WWOX: variants seen among roughly 807,000 people sequenced by gnomAD.
The protein encoded by WWOX is WW domain-containing oxidoreductase.
In WWOX, 69 loss-of-function variants were observed where a neutral mutation model predicts 46.2. The ratio of observed to expected loss-of-function variants is 1.49; its 90% CI spans 1.23 to 1.82. The LOEUF (loss-of-function observed/expected upper bound fraction) is 1.82. Among genes scored for constraint, WWOX ranks in the 40% most tolerant of loss-of-function variants. WWOX has a pLI of 0.00. For missense variants in WWOX, 919 were observed against 542.6 expected (o/e 1.69, Z -6.89); for synonymous variants, 359 against 202.6 (o/e 1.77, Z -6.56).
chr16:79,120,200 C>T (rs539790178), intron 8 of WWOX, among the ~76,000 whole-genome samples: 20 of 152,288 alleles, frequency 1.3e-4, no homozygotes, highest in African/African-American at 4.6e-4. Flanking sequence ...CTCAGTTGTT[C>T]CTCATAGACA....
At chr16:78,620,988 A>C (rs910141974) in intron 8 of WWOX, among the ~76,000 whole-genome samples, 11 of 152,114 alleles carry the variant, frequency 7.2e-5, no homozygotes, top group African/African-American at 2.4e-4. Flanking sequence ...CTACATTGCA[A>C]TTTCAAAATA....
intron 8 of WWOX, among the ~76,000 whole-genome samples, chr16:78,511,860 C>G (rs948964385): frequency 1.3e-5 from 2 of 152,166 alleles, no homozygotes; most frequent in Non-Finnish European, 2.9e-5. Context: ...ATGTCTTGAT[C>G]TGAATATTAA....
chr16:78,432,693 C>T lies in WWOX; in HGVS notation c.997C>T (p.Arg333Cys), dbSNP rs369281766. The stretch of plus-strand genomic sequence containing the variant: ...AAATATGATGTACTCCAACATTCAT[C>T]GCAGCTGGTGGGTGTACACACTGCT... ...PGNMMYSNIHRSWWVYTLLFT... is the reference protein window; with the variant it reads ...PGNMMYSNIHCSWWVYTLLFT... Residue 333 changes from arginine to cysteine, a missense_variant, in exon 8 of 9, where the codon CGC (arginine) becomes TGC (cysteine). By Grantham distance (180) the Arg-to-Cys change is radical (BLOSUM62 -3). Coordinates refer to ENST00000566780, the MANE Select transcript of WWOX (RefSeq NM_016373.4). The T allele has an allele frequency of 3.8e-5, 62 of 1,614,078 alleles. No individual in the cohort carries two copies. Among genetic ancestry groups the T allele is most frequent in the African/African-American group, 5.3e-5 (4 of 74,928 alleles).
At chr16:78,338,546 C>T (rs143545405) in intron 5 of WWOX, among the ~76,000 whole-genome samples, 1 of 120,520 alleles carries the variant, frequency 8.3e-6, no homozygotes, top group Non-Finnish European at 2.0e-5. Context: ...CACAAGTAAC[C>T]AGAGAATTGT....
chr16:78,714,834 A>C (rs2048525471), intron 8 of WWOX, among the ~76,000 whole-genome samples: 1 of 152,214 alleles, frequency 6.6e-6, no homozygotes, highest in Admixed American at 6.5e-5. Flanking sequence ...TTCTAGCTGC[A>C]GTGAGGAACC....
chr16:78,790,767 C>A (rs1225399491), intron 8 of WWOX, among the ~76,000 whole-genome samples: 1 of 151,988 alleles, frequency 6.6e-6, no homozygotes, highest in Non-Finnish European at 1.5e-5. Flanking sequence ...TGCCTGTAAC[C>A]CTAGCACTTT....
chr16:78,418,885 A>G (rs537814925), intron 6 of WWOX, among the ~76,000 whole-genome samples: 93 of 152,264 alleles, frequency 6.1e-4, no homozygotes, highest in African/African-American at 2.1e-3. Flanking sequence ...ATCAAGAAAT[A>G]AGACAAGGAT....
At chr16:78,376,152 T>C (rs1319053812) in intron 5 of WWOX, among the ~76,000 whole-genome samples, 2 of 152,148 alleles carry the variant, frequency 1.3e-5, no homozygotes, top group Non-Finnish European at 2.9e-5. Flanking sequence ...GCCCAGCCGC[T>C]TCTCGTAGAT....
At chr16:78,498,288 C>T (rs113788897) in intron 8 of WWOX, among the ~76,000 whole-genome samples, 5 of 151,714 alleles carry the variant, frequency 3.3e-5, no homozygotes, top group African/African-American at 7.3e-5. Flanking sequence ...CTTCTTAAAG[C>T]GTATTTTGTG....
chr16:78,754,686 G>C (rs994640529), intron 8 of WWOX, among the ~76,000 whole-genome samples: 3 of 152,130 alleles, frequency 2.0e-5, no homozygotes, highest in Non-Finnish European at 4.4e-5. Flanking sequence ...TAAAGGCATG[G>C]CTTTGGTTAT....
intron 8 of WWOX, among the ~76,000 whole-genome samples, chr16:78,434,791 C>T (rs952453874): frequency 6.6e-6 from 1 of 152,046 alleles, no homozygotes; most frequent in Non-Finnish European, 1.5e-5. Context: ...ACCATCCTGC[C>T]ATTTGTTGTA....
chr16:79,069,160 C>G (rs530640676), intron 8 of WWOX, among the ~76,000 whole-genome samples: 2 of 152,224 alleles, frequency 1.3e-5, no homozygotes, highest in African/African-American at 4.8e-5. Flanking sequence ...CTGCGCTTGG[C>G]GAAGGTAAAT....
intron 8 of WWOX, among the ~76,000 whole-genome samples, chr16:78,549,470 T>A (rs367684174): frequency 6.6e-6 from 1 of 152,178 alleles, no homozygotes; most frequent in African/African-American, 2.4e-5. Context: ...TCAGTCATGA[T>A]ATGCGGTTCA....
In WWOX at chr16:78,983,812, C is replaced by G. The variant is rs114116673; in HGVS notation, c.1057-227796C>G. On this transcript the variant is annotated intron_variant, in intron 8 of 8. Coordinates refer to ENST00000566780, the MANE Select transcript of WWOX (RefSeq NM_016373.4). ...TATCTCCTACAGCAGGTGGAGTTAG[C>G]TTAACTAATGCAGAACGATAGGACT... Among the ~76,000 whole-genome samples the G allele has an allele frequency of 8.6e-3, 1,278 of 149,090 alleles. 19 individuals are homozygous for G. The highest frequency in any genetic ancestry group is 0.03 in the African/African-American group (1,206 of 40,634).
chr16:78,194,986 G>A (rs1485414295), intron 5 of WWOX, among the ~76,000 whole-genome samples: 1 of 152,184 alleles, frequency 6.6e-6, no homozygotes, highest in Non-Finnish European at 1.5e-5. Context: ...TCTGTTGAAG[G>A]AGAAAATGAA....
At chr16:78,382,831 C>G (rs1331911821) in intron 5 of WWOX, among the ~76,000 whole-genome samples, 1 of 152,014 alleles carries the variant, frequency 6.6e-6, no homozygotes, top group South Asian at 2.1e-4. Flanking sequence ...ATAAACGCAT[C>G]TCAAGTTGTG....
intron 5 of WWOX, among the ~76,000 whole-genome samples, chr16:78,327,554 C>T (rs1350433916): frequency 6.6e-6 from 1 of 152,146 alleles, no homozygotes; most frequent in Non-Finnish European, 1.5e-5. Context: ...CCATCTCCTC[C>T]AATCATTTGG....
chr16:78,421,506 T>G (rs6564547), intron 6 of WWOX, among the ~76,000 whole-genome samples: 3 of 152,096 alleles, frequency 2.0e-5, no homozygotes, highest in African/African-American at 7.3e-5. Context: ...CTTAATCACA[T>G]TTGCGAAGAC....
At chr16:78,960,697 T>C (rs1208905979) in intron 8 of WWOX, among the ~76,000 whole-genome samples, 1 of 152,222 alleles carries the variant, frequency 6.6e-6, no homozygotes, top group Non-Finnish European at 1.5e-5. Flanking sequence ...TGCCATCAGC[T>C]ACTGGGATGT....
Sources: allele counts gnomAD v4.1 joint callset (sites outside exome capture counted in the v4.1 genomes callset), GRCh38; gene constraint gnomAD v4.1.1; transcripts MANE v1.5; gene names NCBI Gene and HGNC (gene_info 2026-07-23, HGNC 2026-07-21).